SLC9A9: variants seen among roughly 807,000 people sequenced by gnomAD.
SLC9A9 encodes the protein sodium/hydrogen exchanger 9.
SLC9A9 carries 62 observed loss-of-function variants against 77.8 expected under a neutral mutation model. The ratio of observed to expected loss-of-function variants is 0.80; its 90% CI spans 0.65 to 0.98. SLC9A9 has a LOEUF of 0.98. Among genes scored for constraint, SLC9A9 ranks in the 50% least tolerant of loss-of-function variants. SLC9A9 has a pLI of 0.00. For synonymous variants in SLC9A9, 320 were observed against 283.5 expected (o/e 1.13, Z -1.29); for missense variants, 775 against 774.9 (o/e 1.00, Z 0.00).
chr3:143,748,787 T>TC (rs773889646), intron 4 of SLC9A9, among the ~76,000 whole-genome samples: 2 of 143,464 alleles, frequency 1.4e-5, no homozygotes, highest in African/African-American at 2.6e-5. Context: ...CACTGCAAGC[T>TC]CCGCTTCCTG....
intron 4 of SLC9A9, among the ~76,000 whole-genome samples, chr3:143,763,863 T>A (rs1404931448): frequency 1.3e-5 from 2 of 151,910 alleles, no homozygotes; most frequent in Non-Finnish European, 2.9e-5. Context: ...AGACAAATAA[T>A]TTTTTTTCTA....
chr3:143,539,834 G>A (rs1021144830), intron 9 of SLC9A9, among the ~76,000 whole-genome samples: 1 of 151,928 alleles, frequency 6.6e-6, no homozygotes, highest in Non-Finnish European at 1.5e-5. Context: ...TGATATCCAA[G>A]CTTTGATGAT....
intron 9 of SLC9A9, chr3:143,517,383 C>T (rs2108610516): frequency 1.4e-6 from 2 of 1,469,290 alleles, no homozygotes; most frequent in South Asian, 2.3e-5. Flanking sequence ...GGAAAGCCAC[C>T]TGGAAAAGAG....
At chr3:143,708,632 T>G (rs1262283663) in intron 4 of SLC9A9, among the ~76,000 whole-genome samples, 1 of 152,244 alleles carries the variant, frequency 6.6e-6, no homozygotes, top group Non-Finnish European at 1.5e-5. Context: ...TTATTTCATC[T>G]AGGTCCTAAA....
intron 14 of SLC9A9, among the ~76,000 whole-genome samples, chr3:143,277,892 T>G (rs141850667): frequency 7.2e-5 from 11 of 152,272 alleles, no homozygotes; most frequent in Admixed American, 3.9e-4. Context: ...GGGAAAAATT[T>G]CCACTTGATT....
intron 14 of SLC9A9, among the ~76,000 whole-genome samples, chr3:143,309,798 C>T (rs748884758): frequency 3.9e-5 from 6 of 152,074 alleles, no homozygotes; most frequent in Non-Finnish European, 7.4e-5. Context: ...CACTAGGTCT[C>T]TCCATGGGGC....
intron 2 of SLC9A9, among the ~76,000 whole-genome samples, chr3:143,816,371 T>C (rs2009018574): frequency 6.6e-6 from 1 of 152,204 alleles, no homozygotes; most frequent in Non-Finnish European, 1.5e-5. Context: ...AACCACCTAA[T>C]TTTAAAATAC....
chr3:143,652,509 T>A (rs2038814661), intron 5 of SLC9A9, 149 bp from the exon 6 acceptor site: 2 of 701,904 alleles, frequency 2.8e-6, no homozygotes, highest in Non-Finnish European at 5.1e-6. Context: ...TCAAAAAATA[T>A]CTGATGCTTA....
At chr3:143,685,408 A>G (rs1933231401) in intron 5 of SLC9A9, among the ~76,000 whole-genome samples, 1 of 152,108 alleles carries the variant, frequency 6.6e-6, no homozygotes, top group South Asian at 2.1e-4. Context: ...AATGTTACCT[A>G]AATCAAGACA....
At chr3:143,583,302 A>G (rs2037487408) in intron 6 of SLC9A9, among the ~76,000 whole-genome samples, 1 of 152,244 alleles carries the variant, frequency 6.6e-6, no homozygotes, top group African/African-American at 2.4e-5. Context: ...TCAAAAATAA[A>G]TGTGTGCAGC....
chr3:143,336,171 T>A (rs1282469003), intron 14 of SLC9A9, among the ~76,000 whole-genome samples: 2 of 152,074 alleles, frequency 1.3e-5, no homozygotes, highest in African/African-American at 4.8e-5. Flanking sequence ...TCTCTAATCA[T>A]CAGGAGACTA....
At chr3:143,789,004 G>C (rs538779595) in intron 4 of SLC9A9, among the ~76,000 whole-genome samples, 30 of 152,154 alleles carry the variant, frequency 2.0e-4, no homozygotes, top group South Asian at 1.5e-3. Flanking sequence ...CAAAAATTAA[G>C]AGGGAAAATT....
At chr3:143,815,725 G>T (rs1232702241) in intron 2 of SLC9A9, among the ~76,000 whole-genome samples, 2 of 151,964 alleles carry the variant, frequency 1.3e-5, no homozygotes, top group African/African-American at 2.4e-5. Flanking sequence ...AATTAGCTGG[G>T]CATGGTGGTG....
At chr3:143,791,462 C>T (rs1182875231) in intron 4 of SLC9A9, among the ~76,000 whole-genome samples, 1 of 152,154 alleles carries the variant, frequency 6.6e-6, no homozygotes, top group Non-Finnish European at 1.5e-5. Flanking sequence ...ATTCATGTTC[C>T]ACAATCTCTC....
chr3:143,561,044 GGTGGTGT>G (rs1228540673), intron 8 of SLC9A9, among the ~76,000 whole-genome samples: 1 of 152,152 alleles, frequency 6.6e-6, no homozygotes, highest in Admixed American at 6.5e-5. Context: ...AGCCGGGCGT[GGTGGTGT>G]GCGCCTGTAA....
intron 4 of SLC9A9, among the ~76,000 whole-genome samples, chr3:143,754,710 T>A (rs1191154718): frequency 6.6e-6 from 1 of 151,424 alleles, no homozygotes; most frequent in Non-Finnish European, 1.5e-5. Context: ...GAGCCAGGAG[T>A]CCTGAGACAA....
chr3:143,800,897 T>C (rs1349532224), intron 2 of SLC9A9, among the ~76,000 whole-genome samples: 2 of 152,194 alleles, frequency 1.3e-5, no homozygotes, highest in African/African-American at 2.4e-5. Flanking sequence ...TAATTCTTCA[T>C]AAAAACACAC....
chr3:143,297,394 T>C (rs1489036159), intron 14 of SLC9A9, among the ~76,000 whole-genome samples: 1 of 152,206 alleles, frequency 6.6e-6, no homozygotes, highest in Non-Finnish European at 1.5e-5. Context: ...GTCCATTTGT[T>C]TGTCTATTTT....
At chr3:143,755,837 G>A (rs933800574) in intron 4 of SLC9A9, among the ~76,000 whole-genome samples, 3 of 152,148 alleles carry the variant, frequency 2.0e-5, no homozygotes, top group Non-Finnish European at 4.4e-5. Context: ...GTGTGTGTGT[G>A]TGTGTCTGTG....
Sources: allele counts gnomAD v4.1 joint callset (sites outside exome capture counted in the v4.1 genomes callset), GRCh38; gene constraint gnomAD v4.1.1; transcripts MANE v1.5; gene names NCBI Gene and HGNC (gene_info 2026-07-23, HGNC 2026-07-21).